Variants in SLC35F1 observed in about 807,000 individuals in gnomAD.
The protein encoded by SLC35F1 is solute carrier family 35 member F1.
SLC35F1 carries 14 observed loss-of-function variants against 48.7 expected under a neutral mutation model. The ratio of observed to expected loss-of-function variants is 0.29; its 90% CI spans 0.19 to 0.45. The LOEUF (loss-of-function observed/expected upper bound fraction) is 0.45. SLC35F1 is among the 20% of genes least tolerant of loss of function. The pLI, the probability that SLC35F1 is intolerant of heterozygous loss-of-function variation, is 1.00. For missense variants in SLC35F1, 404 were observed against 500.0 expected, an observed-to-expected ratio of 0.81 and a Z score of 1.83; for synonymous variants, 190 against 202.2, an observed-to-expected ratio of 0.94 and a Z score of 0.51.
At chr6:118,163,114 A>G (rs539604232) in intron 2 of SLC35F1, among the ~76,000 whole-genome samples, 6 of 151,792 alleles carry the variant, frequency 4.0e-5, no homozygotes, top group Non-Finnish European at 8.8e-5. Context: ...GGCACGTGCC[A>G]CTACCACCCA....
At chr6:118,071,029 C>CTAT (rs1562280894) in intron 1 of SLC35F1, among the ~76,000 whole-genome samples, 2 of 8,106 alleles carry the variant, frequency 2.5e-4, no homozygotes. Context: ...ATATATTCTA[C>CTAT]GTGTATATAT....
chr6:117,984,314 G>A (rs116923458), intron 1 of SLC35F1, among the ~76,000 whole-genome samples: 2,707 of 151,946 alleles, frequency 0.018, 32 homozygotes, highest in East Asian at 0.032. Flanking sequence ...CCTGGCTAAC[G>A]CAGTGAAACC....
At chr6:118,313,677 A>T (rs1368662138) in intron 7 of SLC35F1, among the ~76,000 whole-genome samples, 1 of 152,206 alleles carries the variant, frequency 6.6e-6, no homozygotes, top group Non-Finnish European at 1.5e-5. Context: ...GAAGCCACAA[A>T]CAACCAACTT....
rs1022048533 is a variant in SLC35F1 at position 118,123,450 on chromosome 6, C to G, written c.174-30995C>G. 4.0e-5 allele frequency among the ~76,000 whole-genome samples: 6 copies of G among 151,846 alleles called. No individual in the cohort carries two copies. The East Asian group carries it at 1.2e-3, about 29-fold the overall frequency. ...ATAGTTTTTTTTTTTTACAGAGTTACCATGGAGATAGATTCTACACAAACG... is the reference window on the plus strand; with the variant it reads ...ATAGTTTTTTTTTTTTACAGAGTTAGCATGGAGATAGATTCTACACAAACG... On this transcript the variant is annotated intron_variant, in intron 1 of 7. Coordinates refer to ENST00000360388, the MANE Select transcript of SLC35F1 (RefSeq NM_001029858.4).
Position 117,960,279 on chromosome 6 carries a change from T to C in SLC35F1, c.173+52380T>C, listed in dbSNP as rs531738185. On this transcript the variant is annotated intron_variant, in intron 1 of 7. Coordinates refer to ENST00000360388, the MANE Select transcript of SLC35F1 (RefSeq NM_001029858.4). ...AACTGTCTAAACTGTATAAACTGTATGGTTTAGACAGTTTGTAAGGCACTG... is the reference window on the plus strand; with the variant it reads ...AACTGTCTAAACTGTATAAACTGTACGGTTTAGACAGTTTGTAAGGCACTG... Among the ~76,000 whole-genome samples, 14 of 151,384 alleles carry C rather than the reference T, an allele frequency of 9.2e-5. No homozygotes were observed. The South Asian group carries it at 2.7e-3, about 29-fold the overall frequency.
chr6:118,153,473 C>T (rs984170808), intron 1 of SLC35F1, among the ~76,000 whole-genome samples: 5 of 152,160 alleles, frequency 3.3e-5, no homozygotes, highest in Admixed American at 6.5e-5. Flanking sequence ...AGAAATACTA[C>T]TGCTTGCTTC....
At chr6:118,283,891 T>C (rs1222710470) in intron 6 of SLC35F1, among the ~76,000 whole-genome samples, 1 of 151,928 alleles carries the variant, frequency 6.6e-6, no homozygotes, top group East Asian at 1.9e-4. Flanking sequence ...AAACTAATAT[T>C]ACTGCGATAG....
chr6:117,981,121 G>A (rs1776771164), intron 1 of SLC35F1, among the ~76,000 whole-genome samples: 1 of 152,164 alleles, frequency 6.6e-6, no homozygotes, highest in Non-Finnish European at 1.5e-5. Context: ...AGGGTATTTT[G>A]GGTTGCCATT....
At chr6:118,162,908 A>G (rs148258874) in intron 2 of SLC35F1, among the ~76,000 whole-genome samples, 24 of 152,010 alleles carry the variant, frequency 1.6e-4, no homozygotes, top group Non-Finnish European at 2.9e-4. Flanking sequence ...CGAAACTTAT[A>G]GTATCCAATA....
intron 1 of SLC35F1, among the ~76,000 whole-genome samples, chr6:118,037,475 A>C (rs912044334): frequency 6.6e-6 from 1 of 152,030 alleles, no homozygotes; most frequent in African/African-American, 2.4e-5. Flanking sequence ...TTAGATTTTA[A>C]ATTATTTATT....
At chr6:117,990,871 A>G (rs1484330075) in intron 1 of SLC35F1, among the ~76,000 whole-genome samples, 22 of 152,250 alleles carry the variant, frequency 1.4e-4, no homozygotes, top group African/African-American at 4.8e-4. Context: ...GGCTCCATCC[A>G]CCAGTCTGCG....
chr6:118,018,917 A>G (rs1245017104), intron 1 of SLC35F1, among the ~76,000 whole-genome samples: 1 of 152,196 alleles, frequency 6.6e-6, no homozygotes, highest in Non-Finnish European at 1.5e-5. Flanking sequence ...AGAGAATTCC[A>G]GTTTTGCTTT....
At chr6:117,957,548 G>GA (rs1405252278) in intron 1 of SLC35F1, among the ~76,000 whole-genome samples, 1 of 152,200 alleles carries the variant, frequency 6.6e-6, no homozygotes, top group East Asian at 1.9e-4. Flanking sequence ...AAATATGGAA[G>GA]ATTTACATAG....
At chr6:117,975,743 A>C (rs987086110) in intron 1 of SLC35F1, among the ~76,000 whole-genome samples, 2 of 152,218 alleles carry the variant, frequency 1.3e-5, no homozygotes, top group African/African-American at 4.8e-5. Context: ...TATTCTAAAT[A>C]ATCTCCAATT....
At chr6:118,061,588 G>GTATATATA (rs1237884567) in intron 1 of SLC35F1, among the ~76,000 whole-genome samples, 308 of 144,724 alleles carry the variant, frequency 2.1e-3, no homozygotes, top group Middle Eastern at 3.6e-3. Context: ...GTGTGTGTGT[G>GTATATATA]TGTATATATA....
intron 1 of SLC35F1, among the ~76,000 whole-genome samples, chr6:118,071,029 CGT>C (rs143774264): frequency 1.2e-4 from 1 of 8,106 alleles, no homozygotes; most frequent in African/African-American, 5.9e-4. Flanking sequence ...ATATATTCTA[CGT>C]GTATATATAT....
intron 1 of SLC35F1, among the ~76,000 whole-genome samples, chr6:117,923,884 A>G (rs554475085): frequency 1.5e-5 from 2 of 135,986 alleles, no homozygotes; most frequent in African/African-American, 2.9e-5. Flanking sequence ...ACATATGTAG[A>G]TACACATATA....
chr6:118,124,664 T>C (rs558731201), intron 1 of SLC35F1, among the ~76,000 whole-genome samples: 1 of 152,242 alleles, frequency 6.6e-6, no homozygotes, highest in East Asian at 1.9e-4. Context: ...ATCATGACCA[T>C]TTGAAGGTTG....
intron 1 of SLC35F1, among the ~76,000 whole-genome samples, chr6:117,980,523 A>G (rs1164633349): frequency 6.6e-6 from 1 of 152,198 alleles, no homozygotes; most frequent in Non-Finnish European, 1.5e-5. Context: ...TAAAGAGAAA[A>G]TGGAACAGAA....
Sources: gnomAD v4.1 joint callset for allele counts (sites outside exome capture counted in the v4.1 genomes callset) on GRCh38, gnomAD v4.1.1 for gene constraint, MANE v1.5 for transcripts, NCBI Gene and HGNC (gene_info 2026-07-23, HGNC 2026-07-21) for gene names.